Variants in CCN6 observed in about 807,000 individuals in gnomAD.
The protein encoded by CCN6 is CCN family member 6.
A neutral mutation model predicts 37.4 loss-of-function variants in CCN6; 31 were observed. That is an observed-to-expected ratio of 0.83 (90% CI 0.62 to 1.12). The LOEUF (loss-of-function observed/expected upper bound fraction) is 1.12. Among genes scored for constraint, CCN6 ranks in the 50% most tolerant of loss-of-function variants. CCN6 has a pLI of 0.00. For synonymous variants in CCN6, 137 were observed against 142.1 expected (o/e 0.96, Z 0.26); for missense variants, 369 against 413.8 (o/e 0.89, Z 0.94).
In CCN6 at chr6:112,069,336, C is replaced by T; in HGVS notation, c.784-3C>T. The T allele has an allele frequency of 1.2e-6, 2 of 1,612,598 alleles. No homozygotes were observed. Among genetic ancestry groups the T allele is most frequent in the Admixed American group, 1.7e-5 (1 of 59,936 alleles). On this transcript the variant is annotated splice_region_variant and splice_polypyrimidine_tract_variant and intron_variant, in intron 4 of 4. Transcript: ENST00000368666. ...AATGACTTCATTTTATCTATCTTTTCAGATTCCCAAAGGAAAAACATGCCA... is the reference window on the plus strand; with the variant it reads ...AATGACTTCATTTTATCTATCTTTTTAGATTCCCAAAGGAAAAACATGCCA...
Position 112,069,628 on chromosome 6 carries a change from CA to C in CCN6, c.*11del. On this transcript the variant is annotated 3_prime_UTR_variant, in exon 5 of 5. Transcript: ENST00000368666. ...GAGCTCAAGATTCTGTAAAACCAAG[CA>C]AATGGGGGAAAAGTTAGTCAATCCT... 6.2e-7 allele frequency: 1 copy of C among 1,613,298 alleles called. No homozygotes were observed. The highest frequency in any genetic ancestry group is 1.3e-5 in the African/African-American group (1 of 74,934).
At chr6:112,061,754 A>G (rs1776530345) in intron 2 of CCN6, among the ~76,000 whole-genome samples, 1 of 152,192 alleles carries the variant, frequency 6.6e-6, no homozygotes, top group African/African-American at 2.4e-5. Flanking sequence ...TGTGCTTTTT[A>G]CTTCAGCAGA....
chr6:112,053,547 A>C (rs148400023), upstream of CCN6, among the ~76,000 whole-genome samples: 316 of 151,884 alleles, frequency 2.1e-3, 2 homozygotes, highest in African/African-American at 7.4e-3. Flanking sequence ...TCATTAAATG[A>C]ATGATTGCTA....
In CCN6 at chr6:112,069,412, C is replaced by T. The variant is rs1776808199; in HGVS notation, c.857C>T (p.Ser286Leu). The stretch of plus-strand genomic sequence containing the variant: ...GAAAAATTTGTCTTTTCTGGATGCT[C>T]AAGTACTCAGAGTTACAAACCCACT... ...KAEKFVFSGC[S>L]STQSYKPTFC... The change falls in exon 5 of 5, where the codon TCA becomes TTA. Residue 286 changes from serine to leucine, a missense_variant. Ser to Leu is a moderately radical substitution (Grantham distance 145). Coordinates refer to ENST00000368666, the MANE Select transcript of CCN6 (RefSeq NM_198239.2). 1 of 1,613,570 alleles carries T rather than the reference C, an allele frequency of 6.2e-7. No homozygotes were observed. Among genetic ancestry groups the T allele is most frequent in the Non-Finnish European group, 8.5e-7 (1 of 1,179,882 alleles).
chr6:112,053,865 T>TGGG (rs376487825), upstream of CCN6, among the ~76,000 whole-genome samples: 1 of 102,792 alleles, frequency 9.7e-6, no homozygotes, highest in Non-Finnish European at 2.1e-5. Context: ...GTGCTGTTGG[T>TGGG]GGGGGGGCCA....
At position 112,061,488 on chromosome 6, in the gene CCN6, T is replaced by C. The variant is rs1776521574; in HGVS notation, c.346+200T>C. The C allele has an allele frequency of 1.9e-5, 12 of 647,636 alleles. 1 individual carries two copies. The South Asian group carries it at 1.9e-4, about 10-fold the overall frequency. 40.1% of individuals were successfully genotyped at this position (647,636 alleles called of 1,614,324 possible). ...ATGCTTACACACATTCAGAAGCCCA[T>C]TATTTTCATTGCACTGAGGTGATTT... On this transcript the variant is annotated intron_variant, in intron 2 of 4. Coordinates refer to ENST00000368666, the MANE Select transcript of CCN6 (RefSeq NM_198239.2).
chr6:112,054,447 G>GC, intron 1 of CCN6, 42 bp downstream of exon 1: 1 of 1,591,956 alleles, frequency 6.3e-7, no homozygotes, highest in Non-Finnish European at 8.6e-7. Flanking sequence ...GGAGGCTATG[G>GC]CCATCCTTAG....
At chr6:112,065,591 CACACACACAA>C (rs1254057377) in intron 3 of CCN6, among the ~76,000 whole-genome samples, 1 of 77,636 alleles carries the variant, frequency 1.3e-5, no homozygotes, top group African/African-American at 4.8e-5. Flanking sequence ...CACACACGCA[CACACACACAA>C]ACACACACGC....
At chr6:112,060,164 T>G in intron 1 of CCN6, 3 of 1,316,918 alleles carry the variant, frequency 2.3e-6, no homozygotes, top group Non-Finnish European at 2.0e-6. Flanking sequence ...GCACTTTGAA[T>G]TTTACATGGA....
chr6:112,054,629 G>A, intron 1 of CCN6: 2 of 550,426 alleles, frequency 3.6e-6, no homozygotes, highest in South Asian at 2.0e-5. Context: ...TCAGGTAATG[G>A]CACCGAAGCC....
intron 2 of CCN6, among the ~76,000 whole-genome samples, chr6:112,063,615 A>C (rs1302478125): frequency 1.3e-5 from 2 of 152,244 alleles, no homozygotes; most frequent in African/African-American, 4.8e-5. Flanking sequence ...AGTTTTCCAA[A>C]ATTCTAATTT....
In CCN6 at chr6:112,064,786, G is replaced by C. The variant is rs897066226; in HGVS notation, c.378G>C (p.Gln126His). The C allele has an allele frequency of 5.0e-6, 8 of 1,613,918 alleles. No homozygotes were observed. Among genetic ancestry groups the C allele is most frequent in the Non-Finnish European group, 6.8e-6 (8 of 1,179,944 alleles). Reference sequence around the variant, plus strand: ...TAGCTGTTGGGTGCGAGTTCAACCAGGTACATTATCATAATGGCCAAGTGT... The same window carrying C: ...TAGCTGTTGGGTGCGAGTTCAACCACGTACATTATCATAATGGCCAAGTGT... ...YLVAVGCEFN[Q>H]VHYHNGQVFQ... Residue 126 changes from glutamine (Q) to histidine (H), a missense_variant, in exon 3 of 5, where the codon CAG (glutamine) becomes CAC (histidine). Gln to His is a conservative substitution (Grantham distance 24). Coordinates refer to ENST00000368666, the MANE Select transcript of CCN6 (RefSeq NM_198239.2).
chr6:112,055,251 C>G (rs1365944097), intron 1 of CCN6, among the ~76,000 whole-genome samples: 1 of 152,156 alleles, frequency 6.6e-6, no homozygotes, highest in East Asian at 1.9e-4. Flanking sequence ...AGAATCATGA[C>G]AAGAATGTCA....
chr6:112,057,070 A>T (rs1208441207), intron 1 of CCN6, among the ~76,000 whole-genome samples: 1 of 152,178 alleles, frequency 6.6e-6, no homozygotes, highest in Non-Finnish European at 1.5e-5. Flanking sequence ...TCAAAATTGG[A>T]AAGTTAAAGA....
At position 112,059,420 on chromosome 6, in the gene CCN6, C is replaced by T. The variant is rs142743190; in HGVS notation, c.49-1571C>T. Among the ~76,000 whole-genome samples the T allele has an allele frequency of 2.4e-3, 373 of 152,260 alleles. 1 individual carries two copies. The highest frequency in any genetic ancestry group is 8.5e-3 in the African/African-American group (353 of 41,560). On this transcript the variant is annotated intron_variant, in intron 1 of 4. Transcript: ENST00000368666. The stretch of plus-strand genomic sequence containing the variant: ...GGGGAGAATCCATTCTTTGCCTGTT[C>T]CAGCTTTTAAAGGCTGTCTGGCTTC...
At chr6:112,059,688 T>G (rs782763380) in intron 1 of CCN6, among the ~76,000 whole-genome samples, 1 of 152,316 alleles carries the variant, frequency 6.6e-6, no homozygotes, top group Admixed American at 6.5e-5. Flanking sequence ...CATGGACATC[T>G]TTGAGGGGAC....
At chr6:112,056,021 C>A (rs1776339624) in intron 1 of CCN6, among the ~76,000 whole-genome samples, 1 of 152,188 alleles carries the variant, frequency 6.6e-6, no homozygotes, top group African/African-American at 2.4e-5. Context: ...AAGCTCGGAT[C>A]TGTTGTCAAA....
chr6:112,067,035 A>T (rs1554314151), intron 3 of CCN6: 5 of 1,366,188 alleles, frequency 3.7e-6, no homozygotes, highest in Non-Finnish European at 4.9e-6. Flanking sequence ...CCTTCCAGGT[A>T]TCTTCACGTT....
intron 3 of CCN6, chr6:112,066,830 A>G (rs1308221828): frequency 3.4e-6 from 2 of 581,530 alleles, no homozygotes; most frequent in African/African-American, 4.0e-5. Flanking sequence ...AATGCTCACC[A>G]AACACTAAGC....
Sources: gnomAD v4.1 joint callset for allele counts (sites outside exome capture counted in the v4.1 genomes callset) on GRCh38, gnomAD v4.1.1 for gene constraint, MANE v1.5 for transcripts, NCBI Gene and HGNC (gene_info 2026-07-23, HGNC 2026-07-21) for gene names.